The following GABPB1 variants were observed in gnomAD, a reference collection of about 807,000 sequenced individuals.
GABPB1 encodes the protein GA-binding protein subunit beta-1.
In GABPB1, 15 loss-of-function variants were observed where a neutral mutation model predicts 45.9. The ratio of observed to expected loss-of-function variants is 0.33; its 90% confidence interval spans 0.22 to 0.50. GABPB1 has a LOEUF of 0.50. GABPB1 is among the 20% of genes least tolerant of loss of function. GABPB1 has a pLI of 0.98. For synonymous variants in GABPB1, 143 were observed against 154.4 expected, an observed-to-expected ratio of 0.93 and a Z score of 0.55; for missense variants, 252 against 457.5, an observed-to-expected ratio of 0.55 and a Z score of 4.10.
At chr15:50,294,954 T>C (rs537407928) in intron 6 of GABPB1, among the ~76,000 whole-genome samples, 45 of 152,258 alleles carry the variant, frequency 3.0e-4, no homozygotes, top group African/African-American at 1.0e-3. Context: ...CAAGGTATTA[T>C]ACAGTTGTAC....
At chr15:50,346,312 C>A (rs1463160887) in intron 1 of GABPB1, 2 of 152,000 alleles carry the variant, frequency 1.3e-5, no homozygotes, top group African/African-American at 4.8e-5. Context: ...GTAGGAGGGG[C>A]CTATTTGGAA....
At chr15:50,281,492 T>G (rs559498515) in intron 8 of GABPB1, among the ~76,000 whole-genome samples, 43 of 152,334 alleles carry the variant, frequency 2.8e-4, no homozygotes, top group African/African-American at 1.0e-3. Flanking sequence ...ATTACAGGCG[T>G]GAGCCACTGC....
intron 6 of GABPB1, 95 bp from the exon 7 acceptor site, chr15:50,289,763 C>CT: frequency 2.5e-6 from 2 of 807,898 alleles, no homozygotes; most frequent in Non-Finnish European, 3.7e-6. Context: ...TTCTATGCTT[C>CT]TTTCTTTTCT....
intron 2 of GABPB1, among the ~76,000 whole-genome samples, chr15:50,305,350 G>A (rs1286352431): frequency 2.0e-5 from 3 of 151,636 alleles, no homozygotes; most frequent in African/African-American, 4.9e-5. Context: ...ATTGTTGTTT[G>A]TTTAATTAGA....
intron 1 of GABPB1, among the ~76,000 whole-genome samples, chr15:50,338,691 C>T (rs1269960146): frequency 6.6e-6 from 1 of 151,798 alleles, no homozygotes; most frequent in African/African-American, 2.4e-5. Flanking sequence ...ACAGGCTGGT[C>T]TTGAACTCCT....
At chr15:50,296,770 G>A (rs774670248) in intron 6 of GABPB1, among the ~76,000 whole-genome samples, 103 of 152,290 alleles carry the variant, frequency 6.8e-4, no homozygotes, top group Middle Eastern at 3.4e-3. Flanking sequence ...TGAGTCTGAC[G>A]ATAGATTTTA....
chr15:50,303,549 G>A (rs933380183), intron 3 of GABPB1, among the ~76,000 whole-genome samples: 15 of 152,098 alleles, frequency 9.9e-5, no homozygotes, highest in African/African-American at 3.4e-4. Context: ...GGGCATGGTG[G>A]TGGGCGCCTG....
At chr15:50,289,141 GATTTGA>G (rs2046261649) in intron 7 of GABPB1, among the ~76,000 whole-genome samples, 1 of 152,108 alleles carries the variant, frequency 6.6e-6, no homozygotes, top group Admixed American at 6.5e-5. Flanking sequence ...GTCCAATGCT[GATTTGA>G]ATTATTTATT....
rs567577231 is a variant in GABPB1, at chr15:50,332,356, T to C, written c.1-22558A>G. On this transcript the variant is annotated intron_variant, in intron 1 of 8. Coordinates refer to ENST00000380877, the MANE Select transcript of GABPB1 (RefSeq NM_016654.5). ...TAATCAAAATCTTTATTCTCTCTTTTCCCAAAAAATCTATAGATTTTAAAA... is the reference window on the plus strand; with the variant it reads ...TAATCAAAATCTTTATTCTCTCTTTCCCCAAAAAATCTATAGATTTTAAAA... 1.5e-3 allele frequency among the ~76,000 whole-genome samples: 225 copies of C among 152,190 alleles called. 1 individual carries two copies. The highest frequency in any genetic ancestry group is 5.3e-3 in the African/African-American group (221 of 41,548).
intron 1 of GABPB1, among the ~76,000 whole-genome samples, chr15:50,338,114 A>G (rs989176900): frequency 6.6e-6 from 1 of 152,206 alleles, no homozygotes; most frequent in Non-Finnish European, 1.5e-5. Context: ...ATCTTGGCTC[A>G]CTGCAACCTC....
chr15:50,335,312 T>C (rs1053066880), intron 1 of GABPB1, among the ~76,000 whole-genome samples: 6 of 152,214 alleles, frequency 3.9e-5, no homozygotes, highest in Non-Finnish European at 5.9e-5. Flanking sequence ...CCAAGCCTAA[T>C]TAGGCAAGAA....
At chr15:50,344,324 C>G (rs2048486178) in intron 1 of GABPB1, among the ~76,000 whole-genome samples, 1 of 152,176 alleles carries the variant, frequency 6.6e-6, no homozygotes, top group South Asian at 2.1e-4. Flanking sequence ...GTGACCCTTT[C>G]AAACATTTAT....
At position 50,275,900 on chromosome 15, in the gene GABPB1, A is replaced by G; in HGVS notation, c.*2732T>C. Reference sequence around the variant, plus strand: ...GCATCACAGATTCAGTCTAGAATTTATAATTCTAGAGGTCCAGGGACTATA... The same window carrying G: ...GCATCACAGATTCAGTCTAGAATTTGTAATTCTAGAGGTCCAGGGACTATA... On this transcript the variant is annotated 3_prime_UTR_variant, in exon 9 of 9. Transcript: ENST00000380877. 6.6e-6 allele frequency: 1 copy of G among 152,354 alleles called. No individual in the cohort carries two copies. The allele number at this position is 152,354 out of a possible 1,614,324, so 9.4% of individuals were successfully genotyped here.
intron 2 of GABPB1, among the ~76,000 whole-genome samples, chr15:50,307,016 G>A (rs1411267378): frequency 6.6e-6 from 1 of 151,992 alleles, no homozygotes; most frequent in African/African-American, 2.4e-5. Flanking sequence ...TAATGTTGCT[G>A]CTAAATACAG....
chr15:50,342,136 G>A (rs75371947), intron 1 of GABPB1, among the ~76,000 whole-genome samples: 9,419 of 152,074 alleles, frequency 0.062, 846 homozygotes, highest in African/African-American at 0.2. Context: ...CCCTCCAAAC[G>A]CAGTTCAGAC....
chr15:50,347,264 TCA>T, intron 1 of GABPB1, among the ~76,000 whole-genome samples: 1 of 152,144 alleles, frequency 6.6e-6, no homozygotes, highest in East Asian at 1.9e-4. Context: ...AAACTGAGGG[TCA>T]CTATGAATGG....
At chr15:50,281,502 C>A (rs566437322) in intron 8 of GABPB1, among the ~76,000 whole-genome samples, 1 of 152,282 alleles carries the variant, frequency 6.6e-6, no homozygotes, top group African/African-American at 2.4e-5. Flanking sequence ...TGAGCCACTG[C>A]GCCCGGCCTA....
At chr15:50,307,946 T>G (rs1005625783) in intron 2 of GABPB1, among the ~76,000 whole-genome samples, 8 of 152,206 alleles carry the variant, frequency 5.3e-5, no homozygotes, top group Non-Finnish European at 1.0e-4. Flanking sequence ...TGATCCTTCA[T>G]GATTCCTAAC....
intron 8 of GABPB1, among the ~76,000 whole-genome samples, chr15:50,281,400 AC>A (rs924107438): frequency 2.6e-4 from 40 of 152,180 alleles, no homozygotes; most frequent in Admixed American, 1.8e-3. Flanking sequence ...TTTAGTAGAG[AC>A]GGGGTTTCAC....
Sources: gnomAD v4.1 joint callset for allele counts (sites outside exome capture counted in the v4.1 genomes callset) on GRCh38, gnomAD v4.1.1 for gene constraint, MANE v1.5 for transcripts, NCBI Gene and HGNC (gene_info 2026-07-23, HGNC 2026-07-21) for gene names.